The following HMHB1 variants were observed in gnomAD, a reference collection of about 807,000 sequenced individuals.
HMHB1 encodes the protein minor histocompatibility protein HB-1.
HMHB1 carries 4 observed loss-of-function variants against 2.4 expected under a neutral mutation model. The ratio of observed to expected loss-of-function variants is 1.65; its 90% CI spans 0.81 to 3.77. HMHB1 has a LOEUF of 3.77. HMHB1 is among the 30% of genes most tolerant of loss of function. The pLI, the probability that HMHB1 is intolerant of heterozygous loss-of-function variation, is 0.01. For synonymous variants in HMHB1, 22 were observed against 17.6 expected (o/e 1.25, Z -0.63); for missense variants, 57 against 44.2 (o/e 1.29, Z -0.82).
rs750360047 is a variant in HMHB1 at position 143,820,444 on chromosome 5, A to T, written c.38-36A>T. On this transcript the variant is annotated intron_variant, in intron 1 of 1. Transcript: ENST00000289448. ...ATAGAAAATACTGCTGAGAAGTTGT[A>T]AGCTCAAGTCTCAGCTAAGCCATTC... The T allele has an allele frequency of 6.4e-6, 8 of 1,243,780 alleles. No homozygotes were observed. The South Asian group carries it at 9.6e-5, about 15-fold the overall frequency. 77.0% of individuals were successfully genotyped at this position (1,243,780 alleles called of 1,614,324 possible).
intron 1 of HMHB1, 152 bp downstream of exon 1, chr5:143,812,456 C>A: frequency 1.4e-6 from 1 of 731,264 alleles, no homozygotes; most frequent in Non-Finnish European, 2.3e-6. Flanking sequence ...GTGAGACGGC[C>A]CTTGTTGCTG....
chr5:143,813,838 G>A (rs986012904), intron 1 of HMHB1, among the ~76,000 whole-genome samples: 5 of 152,180 alleles, frequency 3.3e-5, no homozygotes, highest in Admixed American at 2.6e-4. Context: ...TTGCTCCATA[G>A]GCAATAGAAA....
rs543299306 is a variant in HMHB1, at chr5:143,815,855, C to T, written c.37+3551C>T. Among the ~76,000 whole-genome samples the T allele has an allele frequency of 8.0e-5, 12 of 150,688 alleles. 2 individuals are homozygous for T. The highest frequency in any genetic ancestry group is 2.0e-4 in the Admixed American group (3 of 15,028). ...CCGAGTAGCTGGGACTACAGGCGCC[C>T]GCTACCGCACCCGGCTAATTTTTTG... On this transcript the variant is annotated intron_variant, in intron 1 of 1. Transcript: ENST00000289448.
chr5:143,820,215 G>A (rs930124309), intron 1 of HMHB1, among the ~76,000 whole-genome samples: 1 of 149,416 alleles, frequency 6.7e-6, no homozygotes, highest in African/African-American at 2.5e-5. Context: ...TGGTTTTCGT[G>A]GGAAATTCAA....
intron 1 of HMHB1, among the ~76,000 whole-genome samples, chr5:143,818,320 A>G (rs538077668): frequency 6.6e-6 from 1 of 152,316 alleles, no homozygotes; most frequent in South Asian, 2.1e-4. Context: ...GGGATGAAGG[A>G]TGGGTAAAAT....
At chr5:143,818,702 G>T (rs1021091378) in intron 1 of HMHB1, among the ~76,000 whole-genome samples, 37 of 152,270 alleles carry the variant, frequency 2.4e-4, no homozygotes, top group African/African-American at 8.9e-4. Context: ...ATACTTTATG[G>T]AGTAATAAGA....
chr5:143,819,139 G>T (rs887134446), intron 1 of HMHB1, among the ~76,000 whole-genome samples: 3 of 152,078 alleles, frequency 2.0e-5, no homozygotes. Flanking sequence ...CAGAAGATAG[G>T]AATTACACAA....
chr5:143,820,318 T>TAAAAAAAAAACAAAAAAAA (rs1759794292), intron 1 of HMHB1, among the ~76,000 whole-genome samples, 162 bp from the exon 2 acceptor site: 1 of 47,564 alleles, frequency 2.1e-5, no homozygotes, highest in Non-Finnish European at 4.1e-5. Flanking sequence ...TCATCATAAG[T>TAAAAAAAAAACAAAAAAAA]AAAAAAAAAA....
chr5:143,812,862 G>T (rs570034501), intron 1 of HMHB1, among the ~76,000 whole-genome samples: 1 of 152,280 alleles, frequency 6.6e-6, no homozygotes, highest in African/African-American at 2.4e-5. Context: ...GCTTTCCCCA[G>T]TTTACAGATA....
intron 1 of HMHB1, among the ~76,000 whole-genome samples, chr5:143,815,691 C>T (rs1271353314): frequency 6.7e-6 from 1 of 148,954 alleles, no homozygotes; most frequent in Non-Finnish European, 1.5e-5. Context: ...CCATGCCTGG[C>T]TAATTTTTGT....
chr5:143,817,576 ATACCAG>A (rs1759763787), intron 1 of HMHB1, among the ~76,000 whole-genome samples: 1 of 152,170 alleles, frequency 6.6e-6, no homozygotes, highest in African/African-American at 2.4e-5. Context: ...GCCTATTTTT[ATACCAG>A]TACCATGCTG....
chr5:143,815,721 A>G (rs1476403229), intron 1 of HMHB1, among the ~76,000 whole-genome samples: 6 of 135,644 alleles, frequency 4.4e-5, no homozygotes, highest in Non-Finnish European at 7.6e-5. Flanking sequence ...TTTTTTTGAG[A>G]CGGAGTCTCG....
chr5:143,815,572 A>T (rs1205875824), intron 1 of HMHB1, among the ~76,000 whole-genome samples: 1 of 145,336 alleles, frequency 6.9e-6, no homozygotes, highest in Non-Finnish European at 1.5e-5. Context: ...CCCAGGCTGG[A>T]TTTGGAGTGC....
intron 1 of HMHB1, among the ~76,000 whole-genome samples, 161 bp from the exon 2 acceptor site, chr5:143,820,319 A>T (rs868272721): frequency 5.3e-3 from 97 of 18,306 alleles, no homozygotes; most frequent in African/African-American, 0.016. Flanking sequence ...CATCATAAGT[A>T]AAAAAAAAAA....
At position 143,812,281 on chromosome 5, in the gene HMHB1, C is replaced by G. The variant is rs1759700685; in HGVS notation, c.14C>G (p.Pro5Arg). The G allele has an allele frequency of 1.3e-6, 2 of 1,551,472 alleles. No homozygotes were observed. The highest frequency in any genetic ancestry group is 1.7e-6 in the Non-Finnish European group (2 of 1,146,960). The change falls in exon 1 of 2, where the codon CCA becomes CGA. Residue 5 changes from proline (P) to arginine (R), a missense_variant. Pro to Arg is a moderately radical substitution (Grantham distance 103). Transcript: ENST00000289448. ...GAGAAACCAGAACTGGAGGAGCAGC[C>G]AGAATGCAGAGAAGAAAAAAGAGGT... is the stretch of plus-strand genomic sequence containing the variant.
rs1759699265 is a variant in HMHB1, at chr5:143,812,184, G to T, written c.-84G>T. 2 of 1,316,698 alleles carry T rather than the reference G, an allele frequency of 1.5e-6. No homozygotes were observed. Among genetic ancestry groups the T allele is most frequent in the Non-Finnish European group, 2.1e-6 (2 of 939,516 alleles). The allele number at this position is 1,316,698 out of a possible 1,614,324, so 81.6% of individuals were successfully genotyped here. ...AACCACATCCCAGGAGGCCGAGGCG[G>T]CTTGCCCCGCATCTCAGAAGCCGGG... On this transcript the variant is annotated 5_prime_UTR_variant, in exon 1 of 2. Transcript: ENST00000289448.
chr5:143,820,551 C>T lies in HMHB1; in HGVS notation c.109C>T (p.Leu37=). The change falls in exon 2 of 2, where the codon CTG becomes TTG. Residue 37 remains leucine, a synonymous_variant. Coordinates refer to ENST00000289448, the MANE Select transcript of HMHB1 (RefSeq NM_021182.3). Reference sequence around the variant, plus strand: ...TGTGTATCTGAGGCACAGCTCTTCCCTGACTTATAGGCTTTGACACTGCTG... The same window carrying T: ...TGTGTATCTGAGGCACAGCTCTTCCTTGACTTATAGGCTTTGACACTGCTG... 6.2e-7 allele frequency: 1 copy of T among 1,611,988 alleles called. No individual in the cohort carries two copies. Among genetic ancestry groups the T allele is most frequent in the East Asian group, 2.2e-5 (1 of 44,852 alleles).
At chr5:143,817,196 G>A (rs1055196212) in intron 1 of HMHB1, among the ~76,000 whole-genome samples, 1 of 152,112 alleles carries the variant, frequency 6.6e-6, no homozygotes, top group African/African-American at 2.4e-5. Flanking sequence ...CTGCGTAAAA[G>A]CTCTTTAGTT....
intron 1 of HMHB1, among the ~76,000 whole-genome samples, chr5:143,818,917 A>G (rs969036064): frequency 3.3e-5 from 5 of 152,244 alleles, no homozygotes; most frequent in African/African-American, 1.2e-4. Flanking sequence ...GAGGTCTGGT[A>G]CAAGGATAGA....
Sources: gnomAD v4.1 joint callset for allele counts (sites outside exome capture counted in the v4.1 genomes callset) on GRCh38, gnomAD v4.1.1 for gene constraint, MANE v1.5 for transcripts, NCBI Gene and HGNC (gene_info 2026-07-23, HGNC 2026-07-21) for gene names.